Variants in CDC14A observed in about 807,000 individuals in gnomAD.
The protein encoded by CDC14A is cell division cycle 14A.
A neutral mutation model predicts 74.4 loss-of-function variants in CDC14A; 53 were observed. The observed-to-expected ratio is 0.71, with a 90% confidence interval of 0.57 to 0.89. The LOEUF (loss-of-function observed/expected upper bound fraction) is 0.89, where lower values mean the gene tolerates loss of function less well. Ranked by LOEUF, CDC14A falls within the 40% of genes least tolerant of loss-of-function variation. CDC14A has a pLI of 0.00. For synonymous variants in CDC14A, 247 were observed against 258.4 expected, an observed-to-expected ratio of 0.96 and a Z score of 0.43; for missense variants, 646 against 713.7, an observed-to-expected ratio of 0.91 and a Z score of 1.08.
intron 5 of CDC14A, among the ~76,000 whole-genome samples, chr1:100,425,140 C>T (rs184272015): frequency 1.2e-3 from 176 of 152,202 alleles, no homozygotes; most frequent in Non-Finnish European, 2.4e-4. Flanking sequence ...TACACTCCAG[C>T]GTGGGTGACA....
intron 2 of CDC14A, among the ~76,000 whole-genome samples, chr1:100,373,259 G>A (rs1276410689): frequency 6.6e-6 from 1 of 152,158 alleles, no homozygotes; most frequent in Non-Finnish European, 1.5e-5. Context: ...GAGGTCCAAG[G>A]AGAGGGAGAG....
intron 4 of CDC14A, among the ~76,000 whole-genome samples, chr1:100,418,927 G>A (rs917176343): frequency 2.6e-5 from 4 of 152,194 alleles, no homozygotes; most frequent in African/African-American, 9.6e-5. Context: ...GCTCACGCCT[G>A]TAATCCCAGC....
intron 6 of CDC14A, among the ~76,000 whole-genome samples, chr1:100,441,886 G>A (rs1298262106): frequency 6.6e-6 from 1 of 152,090 alleles, no homozygotes; most frequent in African/African-American, 2.4e-5. Flanking sequence ...GATGCTGATG[G>A]CGCATGTTCT....
rs1205719151 is a variant in CDC14A, at chr1:100,453,565, A to G, written c.520-1840A>G. Among the ~76,000 whole-genome samples the G allele has an allele frequency of 3.3e-5, 5 of 152,202 alleles. No individual in the cohort carries two copies. The South Asian group carries it at 6.2e-4, about 19-fold the overall frequency. Reference sequence around the variant, plus strand: ...ATTTAAGTTGTTATAAATAGAAGCTATGCTTGAGGTTTAATTTCACATGTG... The same window carrying G: ...ATTTAAGTTGTTATAAATAGAAGCTGTGCTTGAGGTTTAATTTCACATGTG... On this transcript the variant is annotated intron_variant, in intron 7 of 15. Coordinates refer to ENST00000336454, the MANE Select transcript of CDC14A (RefSeq NM_003672.4).
chr1:100,348,300 A>AG (rs1422116656), upstream of CDC14A, among the ~76,000 whole-genome samples: 1 of 149,014 alleles, frequency 6.7e-6, no homozygotes, highest in African/African-American at 2.5e-5. Context: ...AAAAAAAAAA[A>AG]AGAATATTTT....
intron 5 of CDC14A, among the ~76,000 whole-genome samples, chr1:100,427,602 A>G (rs1222911695): frequency 6.6e-6 from 1 of 152,190 alleles, no homozygotes; most frequent in East Asian, 1.9e-4. Context: ...AACACCTTGT[A>G]TTATAATTAT....
intron 6 of CDC14A, 137 bp from the exon 7 acceptor site, chr1:100,442,797 G>C (rs1665109185): frequency 3.1e-6 from 2 of 635,058 alleles, no homozygotes; most frequent in Non-Finnish European, 5.5e-6. Context: ...AAGATTTCTA[G>C]ATATGCATTA....
At chr1:100,482,820 A>G (rs1205916342) in intron 10 of CDC14A, among the ~76,000 whole-genome samples, 1 of 151,952 alleles carries the variant, frequency 6.6e-6, no homozygotes, top group Non-Finnish European at 1.5e-5. Context: ...CGAAAGATAT[A>G]GATATCTATA....
At chr1:100,414,062 T>G (rs1157077709) in intron 4 of CDC14A, among the ~76,000 whole-genome samples, 1 of 152,218 alleles carries the variant, frequency 6.6e-6, no homozygotes, top group Non-Finnish European at 1.5e-5. Context: ...ACATTTTATT[T>G]TAGATATATG....
At chr1:100,425,127 C>T (rs1662800707) in intron 5 of CDC14A, among the ~76,000 whole-genome samples, 1 of 152,142 alleles carries the variant, frequency 6.6e-6, no homozygotes, top group African/African-American at 2.4e-5. Flanking sequence ...GAGATCGCCC[C>T]ACTACACTCC....
At chr1:100,494,125 G>A (rs138437538) in intron 11 of CDC14A, among the ~76,000 whole-genome samples, 1 of 152,302 alleles carries the variant, frequency 6.6e-6, no homozygotes, top group Non-Finnish European at 1.5e-5. Context: ...GCTTATGGGA[G>A]CTTGGGCAAT....
chr1:100,503,633 T>G (rs1480445528), intron 15 of CDC14A, among the ~76,000 whole-genome samples: 1 of 152,242 alleles, frequency 6.6e-6, no homozygotes, highest in East Asian at 1.9e-4. Flanking sequence ...AGATTTTATT[T>G]TTATTAATTT....
intron 2 of CDC14A, among the ~76,000 whole-genome samples, chr1:100,367,494 TG>T (rs1570968931): frequency 1.3e-5 from 2 of 152,280 alleles, no homozygotes; most frequent in East Asian, 3.9e-4. Flanking sequence ...TCAATGATCT[TG>T]ACATTTAAAA....
At chr1:100,369,186 C>T (rs1654077895) in intron 2 of CDC14A, among the ~76,000 whole-genome samples, 1 of 151,062 alleles carries the variant, frequency 6.6e-6, no homozygotes, top group South Asian at 2.1e-4. Flanking sequence ...AAGCAATTTT[C>T]CTGCCTCTGC....
chr1:100,391,018 A>G, intron 4 of CDC14A, 194 bp downstream of exon 4: 1 of 619,684 alleles, frequency 1.6e-6, no homozygotes, highest in Non-Finnish European at 2.9e-6. Flanking sequence ...ATTTTCTACT[A>G]GTTAATGAGA....
chr1:100,373,837 G>A (rs1249265720), intron 2 of CDC14A, among the ~76,000 whole-genome samples: 1 of 151,644 alleles, frequency 6.6e-6, no homozygotes, highest in East Asian at 1.9e-4. Context: ...AAGTTTTAGG[G>A]TACATGTGCA....
intron 2 of CDC14A, among the ~76,000 whole-genome samples, chr1:100,364,838 T>A (rs1007061870): frequency 5.3e-5 from 8 of 152,220 alleles, no homozygotes; most frequent in African/African-American, 1.4e-4. Flanking sequence ...ACGAGGGATG[T>A]TAGAATTACA....
intron 12 of CDC14A, 152 bp from the exon 13 acceptor site, chr1:100,495,850 C>T: frequency 1.7e-6 from 1 of 604,796 alleles, no homozygotes; most frequent in Non-Finnish European, 2.9e-6. Flanking sequence ...GATAGCAAGC[C>T]TGGTTCTGGG....
intron 4 of CDC14A, among the ~76,000 whole-genome samples, chr1:100,396,198 C>T (rs895819061): frequency 2.0e-5 from 3 of 152,156 alleles, no homozygotes; most frequent in African/African-American, 7.2e-5. Context: ...GGGACAGGGT[C>T]CTGGAGGCTT....
Sources: allele counts gnomAD v4.1 joint callset (sites outside exome capture counted in the v4.1 genomes callset), GRCh38; gene constraint gnomAD v4.1.1; transcripts MANE v1.5; gene names NCBI Gene and HGNC (gene_info 2026-07-23, HGNC 2026-07-21).